The following CD37 variants were observed in gnomAD, a reference collection of about 807,000 sequenced individuals.
CD37 encodes CD37 molecule.
In CD37, 37 loss-of-function variants were observed where a neutral mutation model predicts 38.9. The observed-to-expected ratio is 0.95, with a 90% CI of 0.73 to 1.25. The LOEUF (loss-of-function observed/expected upper bound fraction) is 1.25, where lower values mean the gene tolerates loss of function less well. Among genes scored for constraint, CD37 ranks in the 50% most tolerant of loss-of-function variants. The probability of loss-of-function intolerance (pLI) is 0.00; values close to 1 mark genes in which losing one functional copy is unlikely to be tolerated. For synonymous variants in CD37, 146 were observed against 150.1 expected (o/e 0.97, Z 0.20); for missense variants, 351 against 360.1 (o/e 0.97, Z 0.20).
In CD37 at chr19:49,340,335, C is replaced by G. The variant is rs1210445084; in HGVS notation, c.*7C>G. 1.9e-6 allele frequency: 3 copies of G among 1,604,404 alleles called. No individual in the cohort carries two copies. The highest frequency in any genetic ancestry group is 2.6e-6 in the Non-Finnish European group (3 of 1,171,804). On this transcript the variant is annotated 3_prime_UTR_variant, in exon 8 of 8. Coordinates refer to ENST00000323906, the MANE Select transcript of CD37 (RefSeq NM_001774.3). ...GCTCGCTCGATACCGTTAGGCCCCG[C>G]CCTCCCCAAAGTCCCGCCCCGCCCC...
Position 49,339,845 on chromosome 19 carries a change from A to G in CD37, c.769-406A>G. 7.5e-7 allele frequency: 1 copy of G among 1,327,666 alleles called. No homozygotes were observed. The highest frequency in any genetic ancestry group is 9.7e-7 in the Non-Finnish European group (1 of 1,034,266). 82.2% of individuals were successfully genotyped at this position (1,327,666 alleles called of 1,614,324 possible). The stretch of plus-strand genomic sequence containing the variant: ...GGTGCCTGCCCCAACTGGGGAGACA[A>G]GGCACCGCAGGGCAAGCTGCCCATG... On this transcript the variant is annotated intron_variant, in intron 7 of 7. Transcript: ENST00000323906. This position sits in a 1 kb window ranked among gnomAD's most constrained non-coding sequence, Gnocchi z 4.5.
chr19:49,338,594 T>TA lies in CD37; in HGVS notation c.448-105dup. 3.8e-6 allele frequency: 3 copies of TA among 797,784 alleles called. No individual in the cohort carries two copies. The highest frequency in any genetic ancestry group is 6.4e-6 in the Non-Finnish European group (3 of 467,474). The allele number at this position is 797,784 out of a possible 1,614,324, so 49.4% of individuals were successfully genotyped here. ...TGTCCCCCACTCCACACCCACCACT[T>TA]AGTCCCCTGCTCCCCGACCTGACCT... On this transcript the variant is annotated intron_variant, in intron 5 of 7. Coordinates refer to ENST00000323906, the MANE Select transcript of CD37 (RefSeq NM_001774.3). The surrounding 1 kb of genome is among the most constrained non-coding windows in gnomAD (Gnocchi z 5.0).
At chr19:49,340,199 C>T (rs1483284349) in intron 7 of CD37, 52 bp from the exon 8 acceptor site, 38 of 1,543,088 alleles carry the variant, frequency 2.5e-5, no homozygotes, top group Non-Finnish European at 3.2e-5. Context: ...GCATCACCCC[C>T]GTCTCGCCAG....
chr19:49,339,322 C>T lies in CD37; in HGVS notation c.685-8C>T. 8 of 1,610,070 alleles carry T rather than the reference C, an allele frequency of 5.0e-6. No individual in the cohort carries two copies. The highest frequency in any genetic ancestry group is 6.8e-6 in the Non-Finnish European group (8 of 1,177,012). The stretch of plus-strand genomic sequence containing the variant: ...AGAATCCCTTTAACTTTTCCCTACA[C>T]CCCCCAGGGCTGCGCGCAGGGCCTC... On this transcript the variant is annotated splice_region_variant and splice_polypyrimidine_tract_variant and intron_variant, in intron 6 of 7. Coordinates refer to ENST00000323906, the MANE Select transcript of CD37 (RefSeq NM_001774.3). The surrounding 1 kb of genome is among the most constrained non-coding windows in gnomAD (Gnocchi z 4.5).
chr19:49,335,922 C>G lies in CD37; in HGVS notation c.142+136C>G. 1 of 714,618 alleles carries G rather than the reference C, an allele frequency of 1.4e-6. No homozygotes were observed. Among genetic ancestry groups the G allele is most frequent in the African/African-American group, 1.8e-5 (1 of 56,672 alleles). The allele number at this position is 714,618 out of a possible 1,614,324, so 44.3% of individuals were successfully genotyped here. On this transcript the variant is annotated intron_variant, in intron 2 of 7. Coordinates refer to ENST00000323906, the MANE Select transcript of CD37 (RefSeq NM_001774.3). The surrounding 1 kb of genome is among the most constrained non-coding windows in gnomAD (Gnocchi z 4.6). ...GCTCCCATCCACTGCTCACCGGAGG[C>G]TTCTTGGAGCCTGAGTCTTCTTCCG... is the stretch of plus-strand genomic sequence containing the variant.
rs751903671 is a variant in CD37 at position 49,338,056 on chromosome 19, C to T, written c.447+27C>T. 1 of 1,608,932 alleles carries T rather than the reference C, an allele frequency of 6.2e-7. No individual in the cohort carries two copies. The highest frequency in any genetic ancestry group is 2.2e-5 in the East Asian group (1 of 44,588). On this transcript the variant is annotated intron_variant, in intron 5 of 7. Coordinates refer to ENST00000323906, the MANE Select transcript of CD37 (RefSeq NM_001774.3). The surrounding 1 kb of genome is among the most constrained non-coding windows in gnomAD (Gnocchi z 5.0). ...TAAGCCCCCCTCCTCCAGTTCCCTCCCGGACTGACCCGCCTCAGCCCTGTG... is the reference window on the plus strand; with the variant it reads ...TAAGCCCCCCTCCTCCAGTTCCCTCTCGGACTGACCCGCCTCAGCCCTGTG...
At position 49,339,657 on chromosome 19, in the gene CD37, G is replaced by C. The variant is rs1600682017; in HGVS notation, c.768+244G>C. On this transcript the variant is annotated intron_variant, in intron 7 of 7. Transcript: ENST00000323906. The surrounding 1 kb of genome is among the most constrained non-coding windows in gnomAD (Gnocchi z 4.5). ...GCGATCTCCCTCCCCTTTCTCCGCAGATGACTGTCATGGTGCTGAGCGTAC... is the reference window on the plus strand; with the variant it reads ...GCGATCTCCCTCCCCTTTCTCCGCACATGACTGTCATGGTGCTGAGCGTAC... The C allele has an allele frequency of 4.2e-6, 6 of 1,428,494 alleles. No homozygotes were observed. Among genetic ancestry groups the C allele is most frequent in the Non-Finnish European group, 5.5e-6 (6 of 1,096,072 alleles). 88.5% of individuals were successfully genotyped at this position (1,428,494 alleles called of 1,614,324 possible).
At chr19:49,337,515 G>A (rs1287512874) in intron 4 of CD37, 1 of 725,698 alleles carries the variant, frequency 1.4e-6, no homozygotes, top group Admixed American at 3.1e-5. Flanking sequence ...CCAGCTACTT[G>A]GGAGGTCGAG....
Position 49,340,504 on chromosome 19 carries a change from G to A in CD37, c.*176G>A. ...CTGTCACCTCTCCCACGGGACCTGG[G>A]GCTTTCGTCCACAGCTTCCTGTCCC... On this transcript the variant is annotated 3_prime_UTR_variant, in exon 8 of 8. Transcript: ENST00000323906. 1.5e-6 allele frequency: 1 copy of A among 647,450 alleles called. No homozygotes were observed. The highest frequency in any genetic ancestry group is 2.8e-6 in the Non-Finnish European group (1 of 356,170). 40.1% of individuals were successfully genotyped at this position (647,450 alleles called of 1,614,324 possible).
At chr19:49,336,191 C>T (rs866896869) in intron 2 of CD37, 10 of 204,522 alleles carry the variant, frequency 4.9e-5, no homozygotes, top group Non-Finnish European at 9.1e-5. Context: ...TAACCCTAAA[C>T]GCTCATATTT....
chr19:49,339,668 T>C lies in CD37; in HGVS notation c.768+255T>C. Reference sequence around the variant, plus strand: ...CCCCTTTCTCCGCAGATGACTGTCATGGTGCTGAGCGTACAGCTACAGCGC... The same window carrying C: ...CCCCTTTCTCCGCAGATGACTGTCACGGTGCTGAGCGTACAGCTACAGCGC... On this transcript the variant is annotated intron_variant, in intron 7 of 7. Coordinates refer to ENST00000323906, the MANE Select transcript of CD37 (RefSeq NM_001774.3). The surrounding 1 kb of genome is among the most constrained non-coding windows in gnomAD (Gnocchi z 4.5). The C allele has an allele frequency of 9.8e-6, 14 of 1,428,146 alleles. No individual in the cohort carries two copies. The highest frequency in any genetic ancestry group is 4.5e-5 in the South Asian group (3 of 66,216). The allele number at this position is 1,428,146 out of a possible 1,614,324, so 88.5% of individuals were successfully genotyped here.
chr19:49,335,705 T>G lies in CD37; in HGVS notation c.70-9T>G. On this transcript the variant is annotated splice_polypyrimidine_tract_variant and intron_variant, in intron 1 of 7. Transcript: ENST00000323906. This position sits in a 1 kb window ranked among gnomAD's most constrained non-coding sequence, Gnocchi z 4.6. ...GGCCCACCCCCGTATCCGCATCTCC[T>G]CTCCCCAGGTCCTCGGCAGCCTGAT... 6.2e-7 allele frequency: 1 copy of G among 1,613,714 alleles called. No homozygotes were observed. Among genetic ancestry groups the G allele is most frequent in the South Asian group, 1.1e-5 (1 of 91,068 alleles).
At position 49,339,691 on chromosome 19, in the gene CD37, C is replaced by T. The variant is rs1487971031; in HGVS notation, c.768+278C>T. The T allele has an allele frequency of 2.1e-6, 3 of 1,414,620 alleles. No homozygotes were observed. The highest frequency in any genetic ancestry group is 2.8e-6 in the Non-Finnish European group (3 of 1,089,998). The allele number at this position is 1,414,620 out of a possible 1,614,324, so 87.6% of individuals were successfully genotyped here. ...CATGGTGCTGAGCGTACAGCTACAG[C>T]GCAGGGCACTCCGCCGGAAATGCGA... is the stretch of plus-strand genomic sequence containing the variant. On this transcript the variant is annotated intron_variant, in intron 7 of 7. Transcript: ENST00000323906. This position sits in a 1 kb window ranked among gnomAD's most constrained non-coding sequence, Gnocchi z 4.5.
intron 7 of CD37, 26 bp from the exon 8 acceptor site, chr19:49,340,225 T>C (rs1381717073): frequency 1.9e-6 from 3 of 1,596,064 alleles, no homozygotes. Context: ...CTTCGACTTC[T>C]CTGACCTCAT....
rs1054387673 is a variant in CD37 at position 49,338,217 on chromosome 19, A to AC, written c.447+191dup. ...CCCCGGCGTCGCCTGGTCTCCCAGT[A>AC]CCCAGACCCTGGCGTGGCTTCGCCA... On this transcript the variant is annotated intron_variant, in intron 5 of 7. Transcript: ENST00000323906. This position sits in a 1 kb window ranked among gnomAD's most constrained non-coding sequence, Gnocchi z 5.0. 4.2e-6 allele frequency: 6 copies of AC among 1,428,490 alleles called. No homozygotes were observed. In the African/African-American group the frequency reaches 7.2e-5, roughly 17 times the overall value. The allele number at this position is 1,428,490 out of a possible 1,614,324, so 88.5% of individuals were successfully genotyped here.
intron 2 of CD37, 41 bp from the exon 3 acceptor site, chr19:49,336,868 T>C (rs375255203): frequency 6.4e-5 from 103 of 1,607,776 alleles, no homozygotes; most frequent in Non-Finnish European, 8.4e-5. Context: ...TGCCTGGAGC[T>C]GTGCCACACA....
chr19:49,337,278 T>C, intron 4 of CD37, 57 bp downstream of exon 4: 1 of 1,529,022 alleles, frequency 6.5e-7, no homozygotes, highest in East Asian at 2.3e-5. Flanking sequence ...GGGAAGGGAG[T>C]GGTGGGAGAG....
At chr19:49,336,692 TA>T in intron 2 of CD37, 1 of 527,768 alleles carries the variant, frequency 1.9e-6, no homozygotes, top group Non-Finnish European at 3.4e-6. Flanking sequence ...AAGGAGAGGG[TA>T]AGAGGAAGAG....
At chr19:49,337,819 G>C (rs1183890591) in intron 4 of CD37, 106 bp from the exon 5 acceptor site, 3 of 1,575,734 alleles carry the variant, frequency 1.9e-6, no homozygotes, top group African/African-American at 1.4e-5. Flanking sequence ...GTAAGGATTT[G>C]AGACTGGCCC....
Sources: gnomAD v4.1 joint callset for allele counts on GRCh38, gnomAD v4.1.1 for gene constraint, Gnocchi (gnomAD v3.1) non-coding constraint, MANE v1.5 for transcripts, NCBI Gene and HGNC (gene_info 2026-07-23, HGNC 2026-07-21) for gene names.